Variants in KCTD8 observed in about 807,000 individuals in gnomAD.
The protein encoded by KCTD8 is BTB/POZ domain-containing protein KCTD8.
A neutral mutation model predicts 31.5 loss-of-function variants in KCTD8; 27 were observed. That is an observed-to-expected ratio of 0.86 (90% CI 0.63 to 1.18). KCTD8 has a LOEUF of 1.18. Among genes scored for constraint, KCTD8 ranks in the 50% most tolerant of loss-of-function variants. KCTD8 has a pLI of 0.00. For missense variants in KCTD8, 658 were observed against 647.7 expected, an observed-to-expected ratio of 1.02 and a Z score of -0.17; for synonymous variants, 290 against 280.0, an observed-to-expected ratio of 1.04 and a Z score of -0.36.
chr4:44,308,267 T>C (rs910047054), intron 1 of KCTD8, among the ~76,000 whole-genome samples: 1 of 151,808 alleles, frequency 6.6e-6, no homozygotes, highest in Non-Finnish European at 1.5e-5. Context: ...AATCAATCAT[T>C]CAATCAATCA....
chr4:44,259,696 C>T (rs916648319), intron 1 of KCTD8, among the ~76,000 whole-genome samples: 2 of 151,864 alleles, frequency 1.3e-5, no homozygotes, highest in Non-Finnish European at 2.9e-5. Context: ...TTTCTCTGTA[C>T]GTGATATTTT....
chr4:44,414,206 A>G (rs184426832), intron 1 of KCTD8, among the ~76,000 whole-genome samples: 1 of 152,314 alleles, frequency 6.6e-6, no homozygotes, highest in East Asian at 1.9e-4. Flanking sequence ...CCTGAAAAAA[A>G]AAAAGAAGAG....
At chr4:44,331,374 C>T (rs1172298422) in intron 1 of KCTD8, among the ~76,000 whole-genome samples, 8 of 151,808 alleles carry the variant, frequency 5.3e-5, no homozygotes, top group East Asian at 3.9e-4. Flanking sequence ...CTAGCTCCAA[C>T]GCACTTTAAC....
chr4:44,414,314 A>C (rs1721023670), intron 1 of KCTD8, among the ~76,000 whole-genome samples: 1 of 152,122 alleles, frequency 6.6e-6, no homozygotes, highest in Non-Finnish European at 1.5e-5. Flanking sequence ...GGCAGACCTG[A>C]TTGGGTTTTT....
At position 44,279,909 on chromosome 4, in the gene KCTD8, T is replaced by C. The variant is rs562024490; in HGVS notation, c.962-104659A>G. On this transcript the variant is annotated intron_variant, in intron 1 of 1. Transcript: ENST00000360029. The stretch of plus-strand genomic sequence containing the variant: ...GAAATGCAACTTTTCTATTTTGATC[T>C]CATTCATACAGGTATTAATGAATTA... 1.5e-4 allele frequency among the ~76,000 whole-genome samples: 23 copies of C among 152,196 alleles called. 1 individual carries two copies. In the South Asian group the frequency reaches 2.3e-3, roughly 15 times the overall value.
At chr4:44,436,917 A>T (rs1457250013) in intron 1 of KCTD8, among the ~76,000 whole-genome samples, 1 of 152,172 alleles carries the variant, frequency 6.6e-6, no homozygotes, top group Non-Finnish European at 1.5e-5. Context: ...CTCCAAAACC[A>T]TTAATTTAAG....
At position 44,174,917 on chromosome 4, in the gene KCTD8, T is replaced by C. The variant is rs1560385802; in HGVS notation, c.1295A>G (p.Glu432Gly). 1.2e-6 allele frequency: 2 copies of C among 1,614,170 alleles called. No homozygotes were observed. The highest frequency in any genetic ancestry group is 1.7e-6 in the Non-Finnish European group (2 of 1,180,002). The part of the protein sequence containing the change: ...ETNLSKKKVC[E>G]KLSVEEEMKK... ...CATTTCTTCTTCCACACTTAGCTTC[T>C]CACAGACTTTCTTTTTGGACAGATT... Residue 432 changes from glutamate (E) to glycine (G), a missense_variant, in exon 2 of 2, where the codon GAG becomes GGG. Physicochemically the swap from Glu to Gly is moderately conservative, Grantham distance 98 (BLOSUM62 -2). Transcript: ENST00000360029.
Position 44,357,195 on chromosome 4 carries a change from T to C in KCTD8, c.961+90368A>G, listed in dbSNP as rs535466274. On this transcript the variant is annotated intron_variant, in intron 1 of 1. Coordinates refer to ENST00000360029, the MANE Select transcript of KCTD8 (RefSeq NM_198353.3). ...CATCATTCTACTCCCCTTTCAAAGATGAGAAAATTAAGAAACAAAAAGGAT... is the reference window on the plus strand; with the variant it reads ...CATCATTCTACTCCCCTTTCAAAGACGAGAAAATTAAGAAACAAAAAGGAT... 2.0e-5 allele frequency among the ~76,000 whole-genome samples: 3 copies of C among 151,442 alleles called. No homozygotes were observed. In the South Asian group the frequency reaches 6.2e-4, roughly 32 times the overall value.
At chr4:44,255,429 AG>A (rs1488351073) in intron 1 of KCTD8, among the ~76,000 whole-genome samples, 1 of 151,892 alleles carries the variant, frequency 6.6e-6, no homozygotes, top group Non-Finnish European at 1.5e-5. Context: ...ACATTATCTA[AG>A]CATTTAAAAA....
At chr4:44,231,719 C>A (rs928421765) in intron 1 of KCTD8, among the ~76,000 whole-genome samples, 1 of 152,056 alleles carries the variant, frequency 6.6e-6, no homozygotes, top group Admixed American at 6.6e-5. Flanking sequence ...ATTGCACTGT[C>A]CTTTTAATTT....
chr4:44,363,621 T>C (rs1248016002), intron 1 of KCTD8, among the ~76,000 whole-genome samples: 5 of 152,160 alleles, frequency 3.3e-5, no homozygotes, highest in Admixed American at 2.6e-4. Context: ...CAAAACAACA[T>C]ATTGGTTCTA....
intron 1 of KCTD8, among the ~76,000 whole-genome samples, chr4:44,420,734 T>C (rs1354222124): frequency 6.6e-6 from 1 of 152,152 alleles, no homozygotes; most frequent in Non-Finnish European, 1.5e-5. Context: ...AGAAATATCC[T>C]GAGAATATCT....
chr4:44,418,699 T>C (rs1721138372), intron 1 of KCTD8, among the ~76,000 whole-genome samples: 1 of 152,206 alleles, frequency 6.6e-6, no homozygotes, highest in African/African-American at 2.4e-5. Context: ...CAGTTTTCAA[T>C]TTACCAGTTG....
rs539424885 is a variant in KCTD8 at position 44,316,500 on chromosome 4, T to C, written c.961+131063A>G. Among the ~76,000 whole-genome samples, 85 of 152,200 alleles carry C rather than the reference T, an allele frequency of 5.6e-4. 1 individual carries two copies. In the South Asian group the frequency reaches 0.017, roughly 30 times the overall value. On this transcript the variant is annotated intron_variant, in intron 1 of 1. Coordinates refer to ENST00000360029, the MANE Select transcript of KCTD8 (RefSeq NM_198353.3). ...TCGTCATTCATAAATATAAACGTAC[T>C]ATGTTAACAAGTGTGCCGAGCCAAA...
intron 1 of KCTD8, among the ~76,000 whole-genome samples, chr4:44,349,907 C>T (rs557684482): frequency 2.6e-5 from 4 of 152,138 alleles, no homozygotes; most frequent in African/African-American, 9.6e-5. Context: ...ATAATTCTTT[C>T]TGGGTTTATT....
chr4:44,195,216 AC>A (rs956752900), intron 1 of KCTD8, among the ~76,000 whole-genome samples: 5 of 152,004 alleles, frequency 3.3e-5, no homozygotes, highest in Middle Eastern at 3.4e-3. Flanking sequence ...AATTTATATA[AC>A]ATGGAACTAA....
intron 1 of KCTD8, among the ~76,000 whole-genome samples, chr4:44,267,772 G>A (rs1046949361): frequency 3.3e-5 from 5 of 152,226 alleles, no homozygotes; most frequent in Admixed American, 6.5e-5. Context: ...ACACCTCTAC[G>A]CAAATAAACT....
intron 1 of KCTD8, among the ~76,000 whole-genome samples, chr4:44,309,945 G>C (rs1364787782): frequency 6.6e-6 from 1 of 151,986 alleles, no homozygotes; most frequent in Non-Finnish European, 1.5e-5. Context: ...TCAAATTTTT[G>C]AAGGTAATGT....
intron 1 of KCTD8, among the ~76,000 whole-genome samples, chr4:44,271,748 T>A (rs374395674): frequency 2.6e-5 from 4 of 152,266 alleles, no homozygotes; most frequent in Admixed American, 2.0e-4. Flanking sequence ...TTTCGGCCCA[T>A]CCCTTTGTTT....
Sources: gnomAD v4.1 joint callset for allele counts (sites outside exome capture counted in the v4.1 genomes callset) on GRCh38, gnomAD v4.1.1 for gene constraint, MANE v1.5 for transcripts, NCBI Gene and HGNC (gene_info 2026-07-23, HGNC 2026-07-21) for gene names.